PBLD: variants seen among roughly 807,000 people sequenced by gnomAD.
PBLD encodes the protein phenazine biosynthesis-like domain-containing protein.
Under a neutral mutation model 31.3 loss-of-function variants are expected in PBLD, and 26 were observed. The ratio of observed to expected loss-of-function variants is 0.83; its 90% CI spans 0.61 to 1.15. The LOEUF (loss-of-function observed/expected upper bound fraction) is 1.15, where lower values mean the gene tolerates loss of function less well. Ranked by LOEUF, PBLD falls within the 50% of genes most tolerant of loss-of-function variation. PBLD has a pLI of 0.00. For synonymous variants in PBLD, 114 were observed against 129.0 expected, an observed-to-expected ratio of 0.88 and a Z score of 0.79; for missense variants, 307 against 351.7, an observed-to-expected ratio of 0.87 and a Z score of 1.02.
chr10:68,301,410 C>A (rs1401984604), intron 2 of PBLD, among the ~76,000 whole-genome samples: 1 of 152,162 alleles, frequency 6.6e-6, no homozygotes, highest in Non-Finnish European at 1.5e-5. Context: ...TGAACTCAAG[C>A]ACTCTCCATG....
chr10:68,332,479 T>C (rs2045207289), intron 1 of PBLD, among the ~76,000 whole-genome samples: 1 of 152,240 alleles, frequency 6.6e-6, no homozygotes. Flanking sequence ...TTTTCCCCTT[T>C]CCCTGCTGGC....
chr10:68,311,579 C>T (rs190617763), intron 1 of PBLD, among the ~76,000 whole-genome samples: 211 of 150,486 alleles, frequency 1.4e-3, no homozygotes, highest in African/African-American at 4.9e-3. Context: ...GAGTGAGACA[C>T]TGTGTCAAAA....
intron 2 of PBLD, among the ~76,000 whole-genome samples, chr10:68,297,514 G>A (rs1312555417): frequency 1.3e-5 from 2 of 152,136 alleles, no homozygotes; most frequent in Non-Finnish European, 2.9e-5. Flanking sequence ...TAGATGTCCT[G>A]AAATTGCCTG....
intron 8 of PBLD, chr10:68,287,267 AG>A (rs1205874745): frequency 6.6e-6 from 1 of 152,236 alleles, no homozygotes. Flanking sequence ...CAAAGTCCAA[AG>A]GCCTTTATAC....
At position 68,296,483 on chromosome 10, in the gene PBLD, TA is replaced by T. The variant is rs1306960696; in HGVS notation, c.185-120del. The T allele has an allele frequency of 2.8e-5, 20 of 701,796 alleles. No individual in the cohort carries two copies. The African/African-American group carries it at 3.6e-4, about 13-fold the overall frequency. 43.5% of individuals were successfully genotyped at this position (701,796 alleles called of 1,614,324 possible). ...CATGATGAGTAGCCAAAACATGTTG[TA>T]AAAGGAGGAATGATGGCTAGGCAAG... On this transcript the variant is annotated intron_variant, in intron 3 of 9. Coordinates refer to ENST00000358769, the MANE Select transcript of PBLD (RefSeq NM_022129.4).
chr10:68,319,098 AG>A (rs1564737506), intron 1 of PBLD, among the ~76,000 whole-genome samples: 2 of 135,014 alleles, frequency 1.5e-5, no homozygotes, highest in Non-Finnish European at 3.1e-5. Flanking sequence ...AAAGAAAGAA[AG>A]AAAGAAAGAA....
At chr10:68,332,688 A>G (rs1236486844) in intron 1 of PBLD, 96 bp downstream of exon 1, 1 of 152,160 alleles carries the variant, frequency 6.6e-6, no homozygotes, top group African/African-American at 2.4e-5. Flanking sequence ...TGGAGGGAGG[A>G]TCGGGTTTGC....
At chr10:68,309,465 C>T (rs1038074754) in intron 1 of PBLD, among the ~76,000 whole-genome samples, 4 of 148,340 alleles carry the variant, frequency 2.7e-5, no homozygotes, top group Non-Finnish European at 4.4e-5. Flanking sequence ...TTATAACTTC[C>T]GCCTCAAAAC....
chr10:68,323,638 A>T (rs1475302774), intron 1 of PBLD, among the ~76,000 whole-genome samples: 1 of 152,228 alleles, frequency 6.6e-6, no homozygotes, highest in Non-Finnish European at 1.5e-5. Context: ...AGAAATTATG[A>T]AATAATAAAA....
rs944834087 is a variant in PBLD, at chr10:68,332,817, C to T, written c.-93G>A. 6.6e-5 allele frequency: 10 copies of T among 152,400 alleles called. No homozygotes were observed. The highest frequency in any genetic ancestry group is 2.4e-4 in the African/African-American group (10 of 41,448). 9.4% of individuals were successfully genotyped at this position (152,400 alleles called of 1,614,324 possible). On this transcript the variant is annotated 5_prime_UTR_variant, in exon 1 of 10. Coordinates refer to ENST00000358769, the MANE Select transcript of PBLD (RefSeq NM_022129.4). ...ACGGGACTGCGAGTGACTTCTGACG[C>T]AGATTCCCAAGATGAGAGAGGCTGG...
chr10:68,292,512 C>CTTTTTTTTTTTTTTT (rs66894235), intron 4 of PBLD, among the ~76,000 whole-genome samples: 3 of 147,168 alleles, frequency 2.0e-5, no homozygotes, highest in Non-Finnish European at 1.5e-5. Context: ...ACTTAGCCTC[C>CTTTTTTTTTTTTTTT]TTTTTTTTTT....
chr10:68,310,181 C>T (rs1353965498), intron 1 of PBLD, among the ~76,000 whole-genome samples: 1 of 148,934 alleles, frequency 6.7e-6, no homozygotes, highest in African/African-American at 2.5e-5. Context: ...CAAAGTGTAT[C>T]CGAACACCAT....
At chr10:68,285,163 G>A in intron 9 of PBLD, 185 bp downstream of exon 9, 9 of 1,441,398 alleles carry the variant, frequency 6.2e-6, no homozygotes, top group South Asian at 1.5e-5. Flanking sequence ...GTATGTTGGG[G>A]GAGGCAGAGG....
intron 6 of PBLD, among the ~76,000 whole-genome samples, chr10:68,289,692 C>CACACACACACACACAG (rs1472723017): frequency 6.7e-6 from 1 of 149,428 alleles, no homozygotes. Flanking sequence ...CACACACACA[C>CACACACACACACACAG]ATATCTTGAC....
intron 2 of PBLD, among the ~76,000 whole-genome samples, chr10:68,301,561 G>A (rs1164838990): frequency 6.6e-6 from 1 of 152,170 alleles, no homozygotes; most frequent in East Asian, 1.9e-4. Context: ...ATCAAGAAAA[G>A]CCTTTGCTGG....
chr10:68,301,716 A>AT (rs1218487010), intron 2 of PBLD, among the ~76,000 whole-genome samples: 2 of 152,178 alleles, frequency 1.3e-5, no homozygotes, highest in Non-Finnish European at 2.9e-5. Context: ...CTTTAAAAGT[A>AT]TTAAAACATC....
intron 1 of PBLD, among the ~76,000 whole-genome samples, chr10:68,317,613 T>C (rs2044752371): frequency 6.6e-6 from 1 of 150,970 alleles, no homozygotes; most frequent in African/African-American, 2.4e-5. Flanking sequence ...CTGGGCAACA[T>C]GGTGAAACCC....
In PBLD at chr10:68,296,919, G is replaced by A. The variant is rs201743176; in HGVS notation, c.151C>T (p.Arg51Ter). 2.3e-5 allele frequency: 37 copies of A among 1,613,590 alleles called. No individual in the cohort carries two copies. Among genetic ancestry groups the A allele is most frequent in the Middle Eastern group, 1.6e-4 (1 of 6,084 alleles). ...EMNLSETAFI[R>*]KLHPTDNFAQ... ...AAGTTGTCTGTCGGGTGCAGTTTTC[G>A]GATAAAAGCAGTTTCAGAGAGGTTC... The change falls in exon 3 of 10, where the codon CGA becomes TGA. Residue 51 changes from arginine to a stop codon, truncating the protein, a stop_gained. Coordinates refer to ENST00000358769, the MANE Select transcript of PBLD (RefSeq NM_022129.4). LOFTEE classifies it high-confidence loss of function.
intron 2 of PBLD, among the ~76,000 whole-genome samples, chr10:68,305,247 C>T (rs1046816552): frequency 4.7e-5 from 7 of 149,486 alleles, no homozygotes; most frequent in Middle Eastern, 3.3e-3. Context: ...CAATAAAAAA[C>T]GACATTCCGC....
Sources: gnomAD v4.1 joint callset for allele counts (sites outside exome capture counted in the v4.1 genomes callset) on GRCh38, gnomAD v4.1.1 for gene constraint, MANE v1.5 for transcripts, NCBI Gene and HGNC (gene_info 2026-07-23, HGNC 2026-07-21) for gene names.